The following SPECC1L variants were observed in gnomAD, a reference collection of about 807,000 sequenced individuals.
The protein encoded by SPECC1L is cytospin-A.
Under a neutral mutation model 116.8 loss-of-function variants are expected in SPECC1L, and 40 were observed. The observed-to-expected ratio is 0.34, with a 90% confidence interval of 0.27 to 0.45. SPECC1L has a LOEUF of 0.45. Among genes scored for constraint, SPECC1L ranks in the 20% least tolerant of loss-of-function variants. The probability of loss-of-function intolerance (pLI) is 1.00; values close to 1 mark genes in which losing one functional copy is unlikely to be tolerated. For synonymous variants in SPECC1L, 504 were observed against 500.6 expected, an observed-to-expected ratio of 1.01 and a Z score of -0.09; for missense variants, 1,110 against 1,373.6, an observed-to-expected ratio of 0.81 and a Z score of 3.03.
intron 14 of SPECC1L, among the ~76,000 whole-genome samples, chr22:24,371,829 CT>C (rs2146656847): frequency 6.6e-6 from 1 of 152,342 alleles, no homozygotes; most frequent in East Asian, 1.9e-4. Context: ...TCAAGTGATT[CT>C]TCTGCCTCAG....
chr22:24,394,765 A>ATAACTAATGGTGTTAAGCATG (rs1333119042), intron 14 of SPECC1L, among the ~76,000 whole-genome samples: 2 of 152,216 alleles, frequency 1.3e-5, no homozygotes, highest in Admixed American at 6.5e-5. Context: ...CAGTTGCCTG[A>ATAACTAATGGTGTTAAGCATG]TAACTAATGG....
intron 11 of SPECC1L, among the ~76,000 whole-genome samples, chr22:24,351,123 T>C (rs2041413180): frequency 6.6e-6 from 1 of 152,040 alleles, no homozygotes; most frequent in Non-Finnish European, 1.5e-5. Flanking sequence ...CTTGATGGGG[T>C]TAGAGCAGGG....
intron 14 of SPECC1L, among the ~76,000 whole-genome samples, chr22:24,377,141 A>G (rs988971645): frequency 2.0e-5 from 3 of 152,160 alleles, no homozygotes; most frequent in Non-Finnish European, 4.4e-5. Flanking sequence ...ACTTAGCATC[A>G]TGTTTTTAAG....
intron 14 of SPECC1L, among the ~76,000 whole-genome samples, chr22:24,386,600 T>G (rs576001607): frequency 2.7e-5 from 4 of 150,804 alleles, no homozygotes; most frequent in Non-Finnish European, 5.9e-5. Context: ...ATTATTGTTA[T>G]TATTATTATT....
At chr22:24,369,355 T>C (rs1569438544) in intron 14 of SPECC1L, 35 bp downstream of exon 14, 2 of 1,497,994 alleles carry the variant, frequency 1.3e-6, no homozygotes, top group Non-Finnish European at 1.9e-6. Flanking sequence ...ATGTGAGTAA[T>C]TGGCAAACCA....
At chr22:24,323,867 T>C (rs1484619503) in intron 5 of SPECC1L, among the ~76,000 whole-genome samples, 1 of 152,238 alleles carries the variant, frequency 6.6e-6, no homozygotes, top group Non-Finnish European at 1.5e-5. Context: ...GTCACAAATA[T>C]GACATCATTT....
At chr22:24,396,822 C>G (rs1164447458) in intron 14 of SPECC1L, among the ~76,000 whole-genome samples, 1 of 152,096 alleles carries the variant, frequency 6.6e-6, no homozygotes, top group Non-Finnish European at 1.5e-5. Context: ...TGTACCCTAC[C>G]CTACTGTGTT....
intron 14 of SPECC1L, among the ~76,000 whole-genome samples, chr22:24,376,199 AT>A (rs1229446363): frequency 6.6e-6 from 1 of 152,142 alleles, no homozygotes; most frequent in Non-Finnish European, 1.5e-5. Context: ...TTATGTCTAG[AT>A]TTTTTTAAGA....
intron 6 of SPECC1L, 134 bp downstream of exon 6, chr22:24,324,561 C>A: frequency 3.7e-6 from 3 of 806,832 alleles, no homozygotes; most frequent in South Asian, 1.5e-5. Context: ...GAGTTCAAAA[C>A]CGAACCAGGC....
In SPECC1L at chr22:24,317,432, C is replaced by T. The variant is rs942166456; in HGVS notation, c.308-3856C>T. Among the ~76,000 whole-genome samples the T allele has an allele frequency of 3.6e-5, 4 of 110,630 alleles. 1 individual carries two copies. The highest frequency in any genetic ancestry group is 5.9e-5 in the Non-Finnish European group (3 of 51,064). The allele number at this position is 110,630 out of a possible 152,430, so 72.6% of individuals were successfully genotyped here. A position where few individuals can be genotyped will look rare whatever the true frequency, so the allele number is the denominator to read the frequency against. ...CCTCCCAGATGGGGCGCTGGCCGGG[C>T]GGGGGGCTGACCCCCCAACCTCCCG... is the stretch of plus-strand genomic sequence containing the variant. On this transcript the variant is annotated intron_variant, in intron 4 of 16. Coordinates refer to ENST00000314328, the MANE Select transcript of SPECC1L (RefSeq NM_015330.6).
intron 14 of SPECC1L, among the ~76,000 whole-genome samples, chr22:24,399,789 A>G (rs944173180): frequency 1.3e-5 from 2 of 152,128 alleles, no homozygotes; most frequent in African/African-American, 4.8e-5. Context: ...AGGATGACAT[A>G]TATCAGGTTC....
chr22:24,367,717 TG>T (rs2041798242), intron 13 of SPECC1L, among the ~76,000 whole-genome samples: 2 of 152,220 alleles, frequency 1.3e-5, no homozygotes, highest in Non-Finnish European at 2.9e-5. Flanking sequence ...GAAAAGCTTC[TG>T]TTGTAAATGT....
chr22:24,333,231 A>G (rs185365166), intron 8 of SPECC1L, among the ~76,000 whole-genome samples: 46 of 152,334 alleles, frequency 3.0e-4, no homozygotes, highest in African/African-American at 1.0e-3. Flanking sequence ...CCATCTCAAA[A>G]AAAAGAAAAG....
chr22:24,351,643 G>A (rs1478096712), intron 11 of SPECC1L, among the ~76,000 whole-genome samples: 2 of 152,006 alleles, frequency 1.3e-5, no homozygotes, highest in East Asian at 1.9e-4. Context: ...TACTGTGATC[G>A]TTTATCTTAA....
At chr22:24,390,513 A>G (rs2042242681) in intron 14 of SPECC1L, among the ~76,000 whole-genome samples, 1 of 152,206 alleles carries the variant, frequency 6.6e-6, no homozygotes, top group Non-Finnish European at 1.5e-5. Context: ...GAAAGTCTAA[A>G]TCTTTTCATT....
chr22:24,339,244 T>C (rs1373908787), intron 10 of SPECC1L, among the ~76,000 whole-genome samples: 5 of 152,306 alleles, frequency 3.3e-5, no homozygotes, highest in African/African-American at 2.4e-5. Context: ...TAGCAAAGCC[T>C]CTGAAGACCT....
intron 8 of SPECC1L, among the ~76,000 whole-genome samples, chr22:24,332,197 A>G (rs2040952548): frequency 6.6e-6 from 1 of 152,224 alleles, no homozygotes; most frequent in Non-Finnish European, 1.5e-5. Context: ...GTTGCCAGTG[A>G]TAAAATGTGG....
chr22:24,309,492 C>G (rs1956875214), intron 3 of SPECC1L, among the ~76,000 whole-genome samples: 1 of 152,136 alleles, frequency 6.6e-6, no homozygotes, highest in African/African-American at 2.4e-5. Flanking sequence ...CGTCCGTCTC[C>G]CGGGTTCAAG....
chr22:24,305,109 A>G (rs976839608), intron 3 of SPECC1L, among the ~76,000 whole-genome samples: 7 of 152,248 alleles, frequency 4.6e-5, no homozygotes, highest in Admixed American at 1.3e-4. Context: ...AGAGCCTGCT[A>G]GTAGCTTAGG....
Sources: allele counts gnomAD v4.1 joint callset (sites outside exome capture counted in the v4.1 genomes callset), GRCh38; gene constraint gnomAD v4.1.1; transcripts MANE v1.5; gene names NCBI Gene and HGNC (gene_info 2026-07-23, HGNC 2026-07-21).